The following CACNA2D3 variants were observed in gnomAD, a reference collection of about 807,000 sequenced individuals.
CACNA2D3 encodes the protein voltage-dependent calcium channel subunit alpha-2/delta-3.
CACNA2D3 carries 60 observed loss-of-function variants against 160.6 expected under a neutral mutation model. The ratio of observed to expected loss-of-function variants is 0.37; its 90% CI spans 0.30 to 0.46. CACNA2D3 has a LOEUF of 0.46. Ranked by LOEUF, CACNA2D3 falls within the 20% of genes least tolerant of loss-of-function variation. The pLI, the probability that CACNA2D3 is intolerant of heterozygous loss-of-function variation, is 1.00. For synonymous variants in CACNA2D3, 558 were observed against 492.9 expected (o/e 1.13, Z -1.75); for missense variants, 1,205 against 1,365.0 (o/e 0.88, Z 1.85).
intron 35 of CACNA2D3, among the ~76,000 whole-genome samples, chr3:55,028,187 A>G (rs1178482049): frequency 6.6e-6 from 1 of 152,140 alleles, no homozygotes; most frequent in East Asian, 1.9e-4. Context: ...CTAAATAGAA[A>G]CCTTCAAATT....
intron 2 of CACNA2D3, among the ~76,000 whole-genome samples, chr3:54,251,582 A>C (rs1031114241): frequency 1.3e-5 from 2 of 152,196 alleles, no homozygotes; most frequent in African/African-American, 2.4e-5. Flanking sequence ...ATGTCAACCT[A>C]TTTTGGTCAA....
intron 11 of CACNA2D3, among the ~76,000 whole-genome samples, chr3:54,678,750 GTT>G (rs1700289679): frequency 1.5e-5 from 1 of 66,346 alleles, no homozygotes; most frequent in Non-Finnish European, 3.7e-5. Context: ...AAAAAAAAAA[GTT>G]GATGATCAAG....
chr3:54,687,138 T>TTTCTTTTTC (rs1700474419), intron 11 of CACNA2D3, among the ~76,000 whole-genome samples: 5 of 69,062 alleles, frequency 7.2e-5, no homozygotes, highest in African/African-American at 3.1e-4. Flanking sequence ...TTTTTTTGTT[T>TTTCTTTTTC]TTTTTTTTTT....
rs144712355 is a variant in CACNA2D3 at position 54,222,382 on chromosome 3, C to T, written c.205-98060C>T. Among the ~76,000 whole-genome samples the T allele has an allele frequency of 2.0e-3, 310 of 152,272 alleles. 1 individual carries two copies. Among genetic ancestry groups the T allele is most frequent in the Middle Eastern group, 0.017 (5 of 294 alleles). On this transcript the variant is annotated intron_variant, in intron 2 of 37. Coordinates refer to ENST00000474759, the MANE Select transcript of CACNA2D3 (RefSeq NM_018398.3). Reference sequence around the variant, plus strand: ...CAGGAATAAGCCAATGTCCTGAAGGCAGGAATAAACCAATGTCCCAGCTCA... The same window carrying T: ...CAGGAATAAGCCAATGTCCTGAAGGTAGGAATAAACCAATGTCCCAGCTCA...
chr3:54,828,594 A>G (rs1703795602), intron 14 of CACNA2D3, among the ~76,000 whole-genome samples: 1 of 152,220 alleles, frequency 6.6e-6, no homozygotes, highest in African/African-American at 2.4e-5. Context: ...TTATTAGAAG[A>G]GGACTGTTTT....
Position 54,981,806 on chromosome 3 carries a change from GC to G in CACNA2D3, c.2557-2795del, listed in dbSNP as rs201289328. ...TATCAAACTGGCAAGGCTCATACTT[GC>G]CCCCCCATTGGGTCCCATCATTGTT... On this transcript the variant is annotated intron_variant, in intron 29 of 37. Coordinates refer to ENST00000474759, the MANE Select transcript of CACNA2D3 (RefSeq NM_018398.3). Among the ~76,000 whole-genome samples the G allele has an allele frequency of 1.8e-3, 278 of 152,266 alleles. 5 individuals are homozygous for G. The highest frequency in any genetic ancestry group is 0.012 in the East Asian group (62 of 5,176).
chr3:54,195,307 G>A (rs549341390), intron 2 of CACNA2D3, among the ~76,000 whole-genome samples: 68 of 152,226 alleles, frequency 4.5e-4, no homozygotes, highest in African/African-American at 1.1e-3. Context: ...TTATTTCTGC[G>A]TCTGTGCCTT....
At chr3:54,946,321 C>T (rs1701613241) in intron 27 of CACNA2D3, among the ~76,000 whole-genome samples, 1 of 152,198 alleles carries the variant, frequency 6.6e-6, no homozygotes, top group African/African-American at 2.4e-5. Context: ...TACATGTCTT[C>T]AGACCACCAC....
At chr3:54,474,396 CAG>C (rs1700791323) in intron 4 of CACNA2D3, among the ~76,000 whole-genome samples, 1 of 150,778 alleles carries the variant, frequency 6.6e-6, no homozygotes, top group Non-Finnish European at 1.5e-5. Flanking sequence ...CGGGGCCTGT[CAG>C]GGGGTGGGGG....
At chr3:54,477,888 G>A (rs1164554146) in intron 4 of CACNA2D3, among the ~76,000 whole-genome samples, 1 of 152,204 alleles carries the variant, frequency 6.6e-6, no homozygotes, top group East Asian at 1.9e-4. Flanking sequence ...GGGTGGTAGA[G>A]AGGAGTTAGG....
chr3:54,995,330 C>T (rs977988738), intron 31 of CACNA2D3, among the ~76,000 whole-genome samples: 1 of 152,070 alleles, frequency 6.6e-6, no homozygotes, highest in African/African-American at 2.4e-5. Flanking sequence ...ATTGGTCCAG[C>T]CACAAATAAC....
intron 4 of CACNA2D3, among the ~76,000 whole-genome samples, chr3:54,415,324 T>C (rs1390593403): frequency 1.3e-5 from 2 of 152,176 alleles, no homozygotes; most frequent in Non-Finnish European, 2.9e-5. Context: ...AATTTTTAAA[T>C]TAAACCTTGA....
intron 2 of CACNA2D3, among the ~76,000 whole-genome samples, chr3:54,139,934 A>G (rs1325770983): frequency 6.6e-6 from 1 of 152,160 alleles, no homozygotes; most frequent in Non-Finnish European, 1.5e-5. Flanking sequence ...AATGGAGCTG[A>G]GGGGTGAGGT....
chr3:54,876,017 A>G (rs1210518897), intron 18 of CACNA2D3, among the ~76,000 whole-genome samples: 4 of 152,202 alleles, frequency 2.6e-5, no homozygotes, highest in Non-Finnish European at 5.9e-5. Context: ...ACAGCTGCAC[A>G]TGGGTTTTTT....
chr3:54,930,351 C>G (rs1269576797), intron 27 of CACNA2D3, among the ~76,000 whole-genome samples: 1 of 152,198 alleles, frequency 6.6e-6, no homozygotes, highest in Non-Finnish European at 1.5e-5. Context: ...ATGTCCAGAA[C>G]CTTGTCATTC....
At chr3:54,354,045 G>A (rs1490801742) in intron 3 of CACNA2D3, among the ~76,000 whole-genome samples, 4 of 152,108 alleles carry the variant, frequency 2.6e-5, no homozygotes, top group Non-Finnish European at 5.9e-5. Context: ...ATATTTAAGG[G>A]CAGTTATCAT....
At chr3:54,961,330 A>G (rs1383346876) in intron 27 of CACNA2D3, among the ~76,000 whole-genome samples, 1 of 152,210 alleles carries the variant, frequency 6.6e-6, no homozygotes, top group African/African-American at 2.4e-5. Context: ...GATGATCTGG[A>G]TGAGCATTTA....
chr3:54,886,758 T>C (rs3930216), intron 23 of CACNA2D3, among the ~76,000 whole-genome samples: 30,937 of 151,730 alleles, frequency 0.2, 4,190 homozygotes, highest in African/African-American at 0.38. Context: ...ACAATATGTG[T>C]ATAAAGTATA....
At chr3:54,137,719 A>G (rs1408383879) in intron 2 of CACNA2D3, among the ~76,000 whole-genome samples, 1 of 152,216 alleles carries the variant, frequency 6.6e-6, no homozygotes, top group East Asian at 1.9e-4. Context: ...TTATTCTATT[A>G]TAGTCTATTC....
Sources: gnomAD v4.1 joint callset for allele counts (sites outside exome capture counted in the v4.1 genomes callset) on GRCh38, gnomAD v4.1.1 for gene constraint, MANE v1.5 for transcripts, NCBI Gene and HGNC (gene_info 2026-07-23, HGNC 2026-07-21) for gene names.